ZFP41: variants seen among roughly 807,000 people sequenced by gnomAD.
ZFP41 encodes ZFP41 zinc finger protein.
In ZFP41, 10 loss-of-function variants were observed where a neutral mutation model predicts 11.6. The ratio of observed to expected loss-of-function variants is 0.86; its 90% CI spans 0.53 to 1.47. The LOEUF is 1.47. Ranked by LOEUF, ZFP41 falls within the 40% of genes most tolerant of loss-of-function variation. ZFP41 has a pLI of 0.00. For missense variants in ZFP41, 302 were observed against 264.6 expected (o/e 1.14, Z -0.98); for synonymous variants, 123 against 100.9 (o/e 1.22, Z -1.31).
Position 143,262,458 on chromosome 8 carries a change from C to T in ZFP41, c.*3584C>T, listed in dbSNP as rs1815070415. 6.6e-6 allele frequency: 1 copy of T among 152,392 alleles called. No individual in the cohort carries two copies. The highest frequency in any genetic ancestry group is 1.5e-5 in the Non-Finnish European group (1 of 68,150). 9.4% of individuals were successfully genotyped at this position (152,392 alleles called of 1,614,324 possible). A position where few individuals can be genotyped will look rare whatever the true frequency, so the allele number is the denominator to read the frequency against. On this transcript the variant is annotated 3_prime_UTR_variant, in exon 3 of 3. Transcript: ENST00000330701. Reference sequence around the variant, plus strand: ...TCTGTTGTCCAAAAGTTTAACTGTCCTGCCAGCCAAAGCTGCTGAGCATTA... The same window carrying T: ...TCTGTTGTCCAAAAGTTTAACTGTCTTGCCAGCCAAAGCTGCTGAGCATTA...
At position 143,249,802 on chromosome 8, in the gene ZFP41, G is replaced by A. The variant is rs775434539; in HGVS notation, c.-42G>A. On this transcript the variant is annotated 5_prime_UTR_variant, in exon 2 of 3. Transcript: ENST00000330701. ...TTGAGGAAGTGGGGCCAACAGAGAGGTCAGCAGCCCCTTAGCCCTCACGCT... is the reference window on the plus strand; with the variant it reads ...TTGAGGAAGTGGGGCCAACAGAGAGATCAGCAGCCCCTTAGCCCTCACGCT... 11 of 1,529,472 alleles carry A rather than the reference G, an allele frequency of 7.2e-6. No homozygotes were observed. In the East Asian group the frequency reaches 1.8e-4, roughly 25 times the overall value. The allele number at this position is 1,529,472 out of a possible 1,614,324, so 94.7% of individuals were successfully genotyped here.
At chr8:143,258,509 AGCCAGAC>A (rs767441081) in intron 2 of ZFP41, among the ~76,000 whole-genome samples, 39 of 152,344 alleles carry the variant, frequency 2.6e-4, no homozygotes, top group Non-Finnish European at 4.7e-4. Context: ...AGGCCTCCTG[AGCCAGAC>A]GCTGACATGC....
At chr8:143,247,889 T>G (rs945184709) in intron 1 of ZFP41, 4 of 152,220 alleles carry the variant, frequency 2.6e-5, no homozygotes, top group African/African-American at 9.7e-5. Flanking sequence ...GCGCGACCTT[T>G]GCTCACTGCA....
At chr8:143,259,430 G>A (rs1487636241) in intron 2 of ZFP41, among the ~76,000 whole-genome samples, 1 of 152,176 alleles carries the variant, frequency 6.6e-6, no homozygotes, top group East Asian at 1.9e-4. Flanking sequence ...GGGTGAGTGA[G>A]CATTTGCTCT....
At chr8:143,259,125 C>T (rs1046290081) in intron 2 of ZFP41, among the ~76,000 whole-genome samples, 1 of 152,246 alleles carries the variant, frequency 6.6e-6, no homozygotes, top group African/African-American at 2.4e-5. Context: ...GCGGGTAAAT[C>T]ATGGTCTGTT....
At position 143,250,757 on chromosome 8, in the gene ZFP41, A is replaced by C. The variant is rs924194397; in HGVS notation, c.*317A>C. On this transcript the variant is annotated 3_prime_UTR_variant, in exon 2 of 3. Transcript: ENST00000330701. ...CAGCACCAGAGACCAGGGAGTATTC[A>C]CTGCCATCCATTGGACGTGTTTGGG... 1.2e-4 allele frequency: 51 copies of C among 413,698 alleles called. No individual in the cohort carries two copies. The South Asian group carries it at 1.6e-3, about 13-fold the overall frequency. The allele number at this position is 413,698 out of a possible 1,614,324, so 25.6% of individuals were successfully genotyped here.
Position 143,250,308 on chromosome 8 carries a change from C to A in ZFP41, c.465C>A (p.Gly155=). The A allele has an allele frequency of 5.0e-6, 8 of 1,614,052 alleles. No homozygotes were observed. Among genetic ancestry groups the A allele is most frequent in the Non-Finnish European group, 6.8e-6 (8 of 1,180,028 alleles). Residue 155 remains glycine, a synonymous_variant, in exon 2 of 3, where the codon GGC becomes GGA. Transcript: ENST00000330701. ...AGTGCGGGAAAGCCTTTAACTGCGG[C>A]TCCAATCTCCTGAAACATCAGAAGA... is the stretch of plus-strand genomic sequence containing the variant. ...CGECGKAFNC[G]SNLLKHQKTH... is the part of the protein sequence containing the mutation.
chr8:143,256,761 G>A (rs1025291660), intron 2 of ZFP41, among the ~76,000 whole-genome samples: 5 of 152,024 alleles, frequency 3.3e-5, no homozygotes, highest in African/African-American at 9.7e-5. Context: ...TTTTTTTAAC[G>A]TTTATGGTTA....
intron 1 of ZFP41, chr8:143,247,778 A>T (rs1816720885): frequency 6.6e-6 from 1 of 152,210 alleles, no homozygotes; most frequent in African/African-American, 2.4e-5. Flanking sequence ...CTATGGTCCA[A>T]TCCGTTTTTG....
At chr8:143,258,894 G>A (rs898398637) in intron 2 of ZFP41, among the ~76,000 whole-genome samples, 3 of 152,190 alleles carry the variant, frequency 2.0e-5, no homozygotes, top group Non-Finnish European at 4.4e-5. Flanking sequence ...TGGGACGGGC[G>A]GGGGTCCTCA....
intron 1 of ZFP41, chr8:143,248,511 G>A (rs6558338): frequency 0.85 from 129,304 of 152,344 alleles, 54,989 homozygotes; most frequent in South Asian, 0.91. Context: ...ATAGGTTCCC[G>A]CCATGCCCTG....
At chr8:143,249,068 A>T (rs1189392068) in intron 1 of ZFP41, 1 of 152,284 alleles carries the variant, frequency 6.6e-6, no homozygotes, top group Non-Finnish European at 1.5e-5. Context: ...CCCTGGCCTC[A>T]AACTCCAGCC....
chr8:143,260,793 C>T lies in ZFP41; in HGVS notation c.*1919C>T. 1 of 182,256 alleles carries T rather than the reference C, an allele frequency of 5.5e-6. No homozygotes were observed. Among genetic ancestry groups the T allele is most frequent in the South Asian group, 8.2e-5 (1 of 12,204 alleles). 11.3% of individuals were successfully genotyped at this position (182,256 alleles called of 1,614,324 possible). A position where few individuals can be genotyped will look rare whatever the true frequency, so the allele number is the denominator to read the frequency against. ...CGGGCACCATCCTCCCAGCCCCACT[C>T]AGCTGCCCTGACCAGCGGGCACCAT... On this transcript the variant is annotated 3_prime_UTR_variant, in exon 3 of 3. Coordinates refer to ENST00000330701, the MANE Select transcript of ZFP41 (RefSeq NM_173832.6).
rs73378204 is a variant in ZFP41 at position 143,261,673 on chromosome 8, T to C, written c.*2799T>C. The C allele has an allele frequency of 0.041, 6,553 of 159,772 alleles. 485 individuals are homozygous for C. The highest frequency in any genetic ancestry group is 0.15 in the African/African-American group (6,156 of 41,460). 9.9% of individuals were successfully genotyped at this position (159,772 alleles called of 1,614,324 possible). Reference sequence around the variant, plus strand: ...CGAGACCGGGCCTAACGCTGCTGTCTCGCAGTCACCCCTGCAGGCCGCTCA... The same window carrying C: ...CGAGACCGGGCCTAACGCTGCTGTCCCGCAGTCACCCCTGCAGGCCGCTCA... On this transcript the variant is annotated 3_prime_UTR_variant, in exon 3 of 3. Transcript: ENST00000330701.
chr8:143,250,734 G>A lies in ZFP41; in HGVS notation c.*294G>A. ...AGTTCCCGATGGCGAACGGGGCTCA[G>A]CACCAGAGACCAGGGAGTATTCACT... On this transcript the variant is annotated 3_prime_UTR_variant, in exon 2 of 3. Transcript: ENST00000330701. 1 of 486,618 alleles carries A rather than the reference G, an allele frequency of 2.1e-6. No individual in the cohort carries two copies. The highest frequency in any genetic ancestry group is 3.8e-6 in the Non-Finnish European group (1 of 261,732). 30.1% of individuals were successfully genotyped at this position (486,618 alleles called of 1,614,324 possible).
rs933265690 is a variant in ZFP41 at position 143,250,039 on chromosome 8, G to A, written c.196G>A (p.Ala66Thr). 6.8e-6 allele frequency: 11 copies of A among 1,614,004 alleles called. No individual in the cohort carries two copies. Among genetic ancestry groups the A allele is most frequent in the South Asian group, 2.2e-5 (2 of 91,090 alleles). The part of the protein sequence containing the change: ...DEEHVFDAFD[A>T]SFKDDFEGVP... Reference sequence around the variant, plus strand: ...AGAGCACGTCTTTGATGCCTTCGACGCTTCATTTAAAGATGACTTTGAGGG... The same window carrying A: ...AGAGCACGTCTTTGATGCCTTCGACACTTCATTTAAAGATGACTTTGAGGG... The change falls in exon 2 of 3, where the codon GCT becomes ACT. Residue 66 changes from alanine to threonine, a missense_variant. Physicochemically the swap from Ala to Thr is moderately conservative, Grantham distance 58. Coordinates refer to ENST00000330701, the MANE Select transcript of ZFP41 (RefSeq NM_173832.6).
In ZFP41 at chr8:143,249,901, G is replaced by A. The variant is rs377008705; in HGVS notation, c.58G>A (p.Val20Met). The A allele has an allele frequency of 1.6e-4, 252 of 1,613,386 alleles. 7 individuals are homozygous for A. Among genetic ancestry groups the A allele is most frequent in the Admixed American group, 5.2e-4 (31 of 59,874 alleles). ...GCCGACCCCAAGGGAGGAGGCAGAC[G>A]TGCAGAAGAGTGCGCTCAGAGAGGA... ...KTPTPREEAD[V>M]QKSALREEKV... The change falls in exon 2 of 3, where the codon GTG becomes ATG. Residue 20 changes from valine to methionine, a missense_variant. Coordinates refer to ENST00000330701, the MANE Select transcript of ZFP41 (RefSeq NM_173832.6).
intron 1 of ZFP41, 185 bp downstream of exon 1, chr8:143,247,327 G>A (rs1816711989): frequency 6.6e-6 from 1 of 152,302 alleles, no homozygotes; most frequent in Non-Finnish European, 1.5e-5. Context: ...GCCGTTGAAA[G>A]GAGAGCCTCT....
chr8:143,249,856 G>A lies in ZFP41; in HGVS notation c.13G>A (p.Ala5Thr). The A allele has an allele frequency of 3.1e-6, 5 of 1,596,804 alleles. No homozygotes were observed. Among genetic ancestry groups the A allele is most frequent in the Non-Finnish European group, 4.3e-6 (5 of 1,174,116 alleles). The stretch of plus-strand genomic sequence containing the variant: ...AAGGAACAGAATGATGGAGAAGCCT[G>A]CAGGCAGAAAAAAGAAGACGCCGAC... MEKP[A>T]GRKKKTPTPR... The change falls in exon 2 of 3, where the codon GCA becomes ACA. Residue 5 changes from alanine to threonine, a missense_variant. Coordinates refer to ENST00000330701, the MANE Select transcript of ZFP41 (RefSeq NM_173832.6).
Sources: gnomAD v4.1 joint callset for allele counts (sites outside exome capture counted in the v4.1 genomes callset) on GRCh38, gnomAD v4.1.1 for gene constraint, MANE v1.5 for transcripts, NCBI Gene and HGNC (gene_info 2026-07-23, HGNC 2026-07-21) for gene names.